The following ASB4 variants were observed in gnomAD, a reference collection of about 807,000 sequenced individuals.
ASB4 encodes ankyrin repeat and SOCS box containing 4.
Under a neutral mutation model 38.6 loss-of-function variants are expected in ASB4, and 35 were observed. The ratio of observed to expected loss-of-function variants is 0.91; its 90% CI spans 0.69 to 1.20. The LOEUF is 1.20. ASB4 is among the 50% of genes most tolerant of loss of function. ASB4 has a pLI of 0.00. For synonymous variants in ASB4, 195 were observed against 201.3 expected, an observed-to-expected ratio of 0.97 and a Z score of 0.26; for missense variants, 557 against 527.2, an observed-to-expected ratio of 1.06 and a Z score of -0.55.
At chr7:95,503,204 T>A (rs1037134103) in intron 2 of ASB4, among the ~76,000 whole-genome samples, 1 of 152,216 alleles carries the variant, frequency 6.6e-6, no homozygotes. Flanking sequence ...TAATTTTTTT[T>A]AAAGTGTGGC....
the ASB4 span, among the ~76,000 whole-genome samples, chr7:95,547,356 A>G: frequency 6.6e-6 from 1 of 152,208 alleles, no homozygotes; most frequent in Admixed American, 6.5e-5. Flanking sequence ...GGTTAGGTTT[A>G]CTTGGTTTTG....
At chr7:95,532,355 A>T (rs1307857472) in intron 3 of ASB4, among the ~76,000 whole-genome samples, 1 of 152,148 alleles carries the variant, frequency 6.6e-6, no homozygotes, top group Admixed American at 6.5e-5. Context: ...GGAAAAAAGA[A>T]TTATAGGGTC....
intron 2 of ASB4, among the ~76,000 whole-genome samples, chr7:95,522,016 A>C (rs912820860): frequency 1.3e-5 from 2 of 152,120 alleles, no homozygotes; most frequent in African/African-American, 4.8e-5. Context: ...TATGGTGTAC[A>C]GGTGTCAATA....
At chr7:95,476,233 A>G (rs1002277169), upstream of ASB4, among the ~76,000 whole-genome samples, 10 of 152,228 alleles carry the variant, frequency 6.6e-5, no homozygotes, top group Non-Finnish European at 1.3e-4. Context: ...ATAATAACTC[A>G]GTCAATAGTG....
At chr7:95,535,536 A>G (rs1368497516) in intron 3 of ASB4, among the ~76,000 whole-genome samples, 1 of 152,232 alleles carries the variant, frequency 6.6e-6, no homozygotes, top group Non-Finnish European at 1.5e-5. Flanking sequence ...AATGGAAAGA[A>G]AGATGATTAA....
In ASB4 at chr7:95,537,619, C is replaced by T. The variant is rs762508235; in HGVS notation, c.1141C>T (p.Pro381Ser). 1.2e-6 allele frequency: 2 copies of T among 1,613,308 alleles called. No homozygotes were observed. Among genetic ancestry groups the T allele is most frequent in the South Asian group, 2.2e-5 (2 of 90,920 alleles). The part of the protein sequence containing the change: ...HSLFTVCCNS[P>S]RTLMHLSRCA... ...TCTCTTTACTGTGTGCTGTAACTCT[C>T]CAAGGACTCTCATGCACTTATCGAG... Residue 381 changes from proline (P) to serine (S), a missense_variant, in exon 5 of 5, where the codon CCA becomes TCA. Physicochemically the swap from Pro to Ser is moderately conservative, Grantham distance 74 (BLOSUM62 -1). Transcript: ENST00000325885.
At chr7:95,517,075 T>C (rs1241931888) in intron 2 of ASB4, among the ~76,000 whole-genome samples, 1 of 152,220 alleles carries the variant, frequency 6.6e-6, no homozygotes, top group Non-Finnish European at 1.5e-5. Context: ...ATCATTTGCA[T>C]GGTTTGTTCT....
chr7:95,507,411 G>A (rs188974705), intron 2 of ASB4, among the ~76,000 whole-genome samples: 2 of 152,096 alleles, frequency 1.3e-5, no homozygotes, highest in Admixed American at 6.5e-5. Context: ...ACTCCTGTGC[G>A]AAGTCTTAGT....
At chr7:95,550,206 G>C in the ASB4 span, among the ~76,000 whole-genome samples, 1 of 152,156 alleles carries the variant, frequency 6.6e-6, no homozygotes, top group African/African-American at 2.4e-5. Context: ...CTTAGCTTCT[G>C]AAGACTTGCA....
At chr7:95,517,114 C>A (rs1183458378) in intron 2 of ASB4, among the ~76,000 whole-genome samples, 2 of 152,148 alleles carry the variant, frequency 1.3e-5, no homozygotes, top group African/African-American at 4.8e-5. Context: ...TATACTTTAT[C>A]CATTTTTAAA....
chr7:95,526,346 A>G (rs1790735916), intron 2 of ASB4, among the ~76,000 whole-genome samples: 1 of 152,208 alleles, frequency 6.6e-6, no homozygotes, highest in Admixed American at 6.5e-5. Context: ...CTCCTTCAGC[A>G]CAGCAGCTCC....
At chr7:95,505,695 C>A (rs929067366) in intron 2 of ASB4, among the ~76,000 whole-genome samples, 6 of 144,126 alleles carry the variant, frequency 4.2e-5, no homozygotes, top group Admixed American at 1.4e-4. Context: ...GTCCCCCCCC[C>A]CCCAAATACT....
chr7:95,528,635 C>T, intron 3 of ASB4: 1 of 1,249,082 alleles, frequency 8.0e-7, no homozygotes, highest in Non-Finnish European at 1.0e-6. Context: ...CATACATTTG[C>T]CATCTTTTAA....
intron 2 of ASB4, among the ~76,000 whole-genome samples, chr7:95,507,615 T>G (rs557545240): frequency 1.4e-4 from 22 of 152,198 alleles, no homozygotes; most frequent in Non-Finnish European, 3.2e-4. Context: ...ACTGTTTTGC[T>G]TGGCAGAGCC....
At chr7:95,537,344 A>T (rs974504195) in intron 4 of ASB4, among the ~76,000 whole-genome samples, 1 of 152,182 alleles carries the variant, frequency 6.6e-6, no homozygotes, top group African/African-American at 2.4e-5. Flanking sequence ...TGCATATTTT[A>T]TCTTATCTCC....
intron 1 of ASB4, among the ~76,000 whole-genome samples, chr7:95,479,672 A>G (rs1790007660): frequency 1.3e-5 from 2 of 152,250 alleles, no homozygotes; most frequent in African/African-American, 2.4e-5. Flanking sequence ...AAACAAAACT[A>G]TCATCAATTA....
chr7:95,511,645 A>G (rs1790482938), intron 2 of ASB4, among the ~76,000 whole-genome samples: 1 of 151,696 alleles, frequency 6.6e-6, no homozygotes, highest in Non-Finnish European at 1.5e-5. Context: ...CTGGGCAACA[A>G]GAGCAAAACT....
intron 2 of ASB4, among the ~76,000 whole-genome samples, chr7:95,502,349 C>T (rs1433998978): frequency 6.7e-6 from 1 of 149,598 alleles, no homozygotes; most frequent in African/African-American, 2.5e-5. Context: ...TAGGGAAGTG[C>T]TCTTACACAC....
In ASB4 at chr7:95,537,600, T is replaced by C. The variant is rs1235376608; in HGVS notation, c.1122T>C (p.Phe374=). The part of the protein sequence containing the change: ...EKYWDFYHSL[F]TVCCNSPRTL... ...ACTGGGATTTTTACCACTCTCTCTT[T>C]ACTGTGTGCTGTAACTCTCCAAGGA... Residue 374 remains phenylalanine (F), a synonymous_variant, in exon 5 of 5, where the codon TTT becomes TTC. Coordinates refer to ENST00000325885, the MANE Select transcript of ASB4 (RefSeq NM_016116.3). 2 of 1,610,168 alleles carry C rather than the reference T, an allele frequency of 1.2e-6. No individual in the cohort carries two copies. The highest frequency in any genetic ancestry group is 1.7e-6 in the Non-Finnish European group (2 of 1,178,142).
Sources: allele counts gnomAD v4.1 joint callset (sites outside exome capture counted in the v4.1 genomes callset), GRCh38; gene constraint gnomAD v4.1.1; transcripts MANE v1.5; gene names NCBI Gene and HGNC (gene_info 2026-07-23, HGNC 2026-07-21).